The following SMOC2 variants were observed in gnomAD, a reference collection of about 807,000 sequenced individuals.
The protein encoded by SMOC2 is SPARC related modular calcium binding 2.
SMOC2 carries 39 observed loss-of-function variants against 61.4 expected under a neutral mutation model. The observed-to-expected ratio is 0.64, with a 90% CI of 0.49 to 0.83. SMOC2 has a LOEUF of 0.83. Ranked by LOEUF, SMOC2 falls within the 40% of genes least tolerant of loss-of-function variation. The pLI is 0.00. For synonymous variants in SMOC2, 247 were observed against 239.9 expected (o/e 1.03, Z -0.27); for missense variants, 556 against 592.9 (o/e 0.94, Z 0.65).
intron 11 of SMOC2, among the ~76,000 whole-genome samples, chr6:168,661,559 G>A (rs866805833): frequency 1.7e-4 from 26 of 152,162 alleles, no homozygotes; most frequent in African/African-American, 5.8e-4. Flanking sequence ...CTGAGATCGC[G>A]CCACTGCACT....
At chr6:168,581,898 G>T (rs1041485673) in intron 7 of SMOC2, among the ~76,000 whole-genome samples, 1 of 152,098 alleles carries the variant, frequency 6.6e-6, no homozygotes. Context: ...GTCTCCTTCA[G>T]CCTCAGCTCT....
At chr6:168,517,053 G>A (rs896607544) in intron 2 of SMOC2, among the ~76,000 whole-genome samples, 2 of 152,230 alleles carry the variant, frequency 1.3e-5, no homozygotes, top group Non-Finnish European at 2.9e-5. Flanking sequence ...ATGGCCAAGT[G>A]ATGGTTGTAA....
At chr6:168,489,279 GGAT>G (rs1562552755) in intron 1 of SMOC2, among the ~76,000 whole-genome samples, 287 of 148,216 alleles carry the variant, frequency 1.9e-3, no homozygotes, top group African/African-American at 7.0e-3. Context: ...GGGTCCCCTT[GGAT>G]CACACTGTTT....
chr6:168,485,297 T>C (rs1172477199), intron 1 of SMOC2, among the ~76,000 whole-genome samples: 4 of 152,094 alleles, frequency 2.6e-5, no homozygotes, highest in Non-Finnish European at 5.9e-5. Flanking sequence ...AGAGTTCTCT[T>C]ATGAACCAGT....
At chr6:168,536,633 G>T (rs1562334359) in intron 4 of SMOC2, among the ~76,000 whole-genome samples, 2 of 152,174 alleles carry the variant, frequency 1.3e-5, no homozygotes, top group South Asian at 4.1e-4. Context: ...TGTGCAAATT[G>T]CTTCTCCACT....
intron 9 of SMOC2, among the ~76,000 whole-genome samples, chr6:168,648,899 C>G (rs1307895584): frequency 1.3e-5 from 2 of 152,228 alleles, no homozygotes; most frequent in Non-Finnish European, 2.9e-5. Flanking sequence ...ACTGCATAAA[C>G]AGGCTGGTCT....
chr6:168,489,551 C>T (rs1201110767), intron 1 of SMOC2, among the ~76,000 whole-genome samples: 2 of 145,206 alleles, frequency 1.4e-5, no homozygotes, highest in African/African-American at 5.3e-5. Flanking sequence ...TGAAATATAT[C>T]AAATCGTCTG....
intron 2 of SMOC2, among the ~76,000 whole-genome samples, chr6:168,512,994 A>AAAAT (rs1464415857): frequency 6.6e-6 from 1 of 152,262 alleles, no homozygotes; most frequent in Non-Finnish European, 1.5e-5. Context: ...AAGTTATTTA[A>AAAAT]AACACAGATG....
At chr6:168,559,570 C>T (rs1300754902) in intron 7 of SMOC2, among the ~76,000 whole-genome samples, 1 of 151,986 alleles carries the variant, frequency 6.6e-6, no homozygotes, top group African/African-American at 2.4e-5. Flanking sequence ...GCTTAAAGAC[C>T]CACAGATAAT....
At chr6:168,472,030 G>T (rs959348129) in intron 1 of SMOC2, among the ~76,000 whole-genome samples, 2 of 152,180 alleles carry the variant, frequency 1.3e-5, no homozygotes, top group Admixed American at 6.5e-5. Context: ...GTCATTTGAT[G>T]CACAGAAGTT....
intron 9 of SMOC2, among the ~76,000 whole-genome samples, chr6:168,624,983 CCACCAG>C (rs1461288691): frequency 2.0e-5 from 3 of 151,942 alleles, no homozygotes; most frequent in Admixed American, 6.5e-5. Context: ...ACCACCACCA[CCACCAG>C]CAGCACCATC....
chr6:168,503,569 T>A lies in SMOC2; in HGVS notation c.85-6346T>A, dbSNP rs192179517. 1.3e-4 allele frequency among the ~76,000 whole-genome samples: 20 copies of A among 152,276 alleles called. No individual in the cohort carries two copies. In the East Asian group the frequency reaches 3.9e-3, roughly 29 times the overall value. The stretch of plus-strand genomic sequence containing the variant: ...TCCACATATGAAAGAGCTCGTTATT[T>A]TATCCTCACAGCTACCTCAAAGGTG... On this transcript the variant is annotated intron_variant, in intron 1 of 12. Coordinates refer to ENST00000356284, the MANE Select transcript of SMOC2 (RefSeq NM_001166412.2).
chr6:168,471,138 G>A (rs1429154520), intron 1 of SMOC2, among the ~76,000 whole-genome samples: 1 of 152,158 alleles, frequency 6.6e-6, no homozygotes. Context: ...GCTGAGTTCT[G>A]TTTTAAGGAG....
At chr6:168,451,267 A>G (rs535315430) in intron 1 of SMOC2, among the ~76,000 whole-genome samples, 1 of 152,194 alleles carries the variant, frequency 6.6e-6, no homozygotes, top group Non-Finnish European at 1.5e-5. Context: ...ATGTTACTCT[A>G]AAAGCTTACA....
chr6:168,466,248 G>C (rs1205341393), intron 1 of SMOC2, among the ~76,000 whole-genome samples: 1 of 151,384 alleles, frequency 6.6e-6, no homozygotes, highest in African/African-American at 2.4e-5. Flanking sequence ...GGGTGCTCTG[G>C]ATGAAGCGAG....
intron 1 of SMOC2, among the ~76,000 whole-genome samples, chr6:168,464,182 C>G (rs1781773677): frequency 1.5e-5 from 1 of 67,222 alleles, no homozygotes. Flanking sequence ...CAGAGCAAGA[C>G]TGTCAAAAAA....
At chr6:168,591,181 A>G (rs758207307) in intron 7 of SMOC2, among the ~76,000 whole-genome samples, 7 of 152,248 alleles carry the variant, frequency 4.6e-5, no homozygotes, top group African/African-American at 1.4e-4. Context: ...TAATGAGACA[A>G]TATGGAGGAA....
At chr6:168,479,717 T>C (rs1391233833) in intron 1 of SMOC2, among the ~76,000 whole-genome samples, 3 of 152,160 alleles carry the variant, frequency 2.0e-5, no homozygotes, top group Non-Finnish European at 2.9e-5. Flanking sequence ...CCTTCAAATA[T>C]GAGGAAGCTG....
intron 2 of SMOC2, among the ~76,000 whole-genome samples, chr6:168,525,820 C>G (rs892527532): frequency 6.6e-6 from 1 of 152,210 alleles, no homozygotes; most frequent in Non-Finnish European, 1.5e-5. Context: ...TGGGCTGCAG[C>G]TGTGGTTGGA....
Sources: allele counts gnomAD v4.1 joint callset (sites outside exome capture counted in the v4.1 genomes callset), GRCh38; gene constraint gnomAD v4.1.1; transcripts MANE v1.5; gene names NCBI Gene and HGNC (gene_info 2026-07-23, HGNC 2026-07-21).